RSPH10B2: variants seen among roughly 807,000 people sequenced by gnomAD.
RSPH10B2 encodes the protein radial spoke head 10 homolog B2 (Chlamydomonas).
In RSPH10B2, 9 loss-of-function variants were observed where a neutral mutation model predicts 49.0. That is an observed-to-expected ratio of 0.18 (90% confidence interval 0.11 to 0.32). The LOEUF (loss-of-function observed/expected upper bound fraction) is 0.32, where lower values mean the gene tolerates loss of function less well. Among genes scored for constraint, RSPH10B2 ranks in the 10% least tolerant of loss-of-function variants. The pLI, the probability that RSPH10B2 is intolerant of heterozygous loss-of-function variation, is 1.00. For synonymous variants in RSPH10B2, 35 were observed against 210.2 expected, an observed-to-expected ratio of 0.17 and a Z score of 7.21; for missense variants, 95 against 589.9, an observed-to-expected ratio of 0.16 and a Z score of 8.69.
chr7:6,752,162 G>A (rs1204683298), upstream of RSPH10B2, among the ~76,000 whole-genome samples: 1 of 150,170 alleles, frequency 6.7e-6, no homozygotes, highest in African/African-American at 2.5e-5. Context: ...CTGCCCGGCT[G>A]GAAGAAAATG....
At chr7:6,786,139 A>ATT in intron 14 of RSPH10B2, 83 bp downstream of exon 16, 3 of 321,234 alleles carry the variant, frequency 9.3e-6, no homozygotes, top group Middle Eastern at 9.4e-4. Flanking sequence ...AAGAACCAAG[A>ATT]TTTTTTTTTT....
Position 6,781,368 on chromosome 7 carries a change from G to A in RSPH10B2, c.1650G>A (p.Met550Ile), listed in dbSNP as rs200394640. Residue 550 changes from methionine to isoleucine, a missense_variant, in exon 13 of 19, where the codon ATG becomes ATA. By Grantham distance (10) the Met-to-Ile change is conservative. Transcript: ENST00000297186. Reference sequence around the variant, plus strand: ...AGCAACAGCGGACGCTCTACTCTATGAGTTACATGAATAAGTGCTGGGAGA... The same window carrying A: ...AGCAACAGCGGACGCTCTACTCTATAAGTTACATGAATAAGTGCTGGGAGA... 9.5e-4 allele frequency: 1,193 copies of A among 1,252,380 alleles called. 295 individuals are homozygous for A. Among genetic ancestry groups the A allele is most frequent in the Middle Eastern group, 3.8e-3 (16 of 4,214 alleles). The allele number at this position is 1,252,380 out of a possible 1,614,324, so 77.6% of individuals were successfully genotyped here.
At chr7:6,791,498 C>T (rs1428923456) in intron 16 of RSPH10B2, among the ~76,000 whole-genome samples, 4 of 144,530 alleles carry the variant, frequency 2.8e-5, no homozygotes, top group Non-Finnish European at 6.1e-5. Context: ...AATCCCAGCA[C>T]TTTGGGAGGC....
At chr7:6,764,612 C>A (rs1165448020) in intron 4 of RSPH10B2, among the ~76,000 whole-genome samples, 89 of 151,418 alleles carry the variant, frequency 5.9e-4, no homozygotes, top group South Asian at 2.1e-3. Context: ...CCACCCACCT[C>A]AGCCTCCCAA....
intron 16 of RSPH10B2, among the ~76,000 whole-genome samples, chr7:6,791,483 C>T (rs1782326447): frequency 6.9e-6 from 1 of 145,882 alleles, no homozygotes; most frequent in Non-Finnish European, 1.5e-5. Flanking sequence ...GTGGCTCACA[C>T]CTGTAATCCC....
chr7:6,783,718 G>A (rs550001544), intron 13 of RSPH10B2, among the ~76,000 whole-genome samples: 9 of 151,516 alleles, frequency 5.9e-5, no homozygotes, highest in Admixed American at 1.3e-4. Context: ...AGCAGTCCTC[G>A]TGCCTCGGCC....
chr7:6,797,007 TTCTAGTTTTATTTTTTTTTTTTAGACAG>T (rs923588203), intron 18 of RSPH10B2: 1 of 370,244 alleles, frequency 2.7e-6, no homozygotes, highest in African/African-American at 2.4e-5. Context: ...TGGTCTTAGT[TTCTAGTTTTATTTTTTTTTTTTAGACAG>T]GGTCTCACTG....
chr7:6,758,856 A>G (rs1287364192), intron 1 of RSPH10B2, among the ~76,000 whole-genome samples: 3 of 135,508 alleles, frequency 2.2e-5, no homozygotes, highest in Non-Finnish European at 4.9e-5. Flanking sequence ...CTCAAAAAAA[A>G]TCCCCAAAAA....
upstream of RSPH10B2, among the ~76,000 whole-genome samples, chr7:6,755,795 T>G: frequency 1.1e-5 from 1 of 94,026 alleles, no homozygotes; most frequent in East Asian, 3.1e-4. Context: ...TAGCTGAGTA[T>G]GGAGGCAGGT....
intron 4 of RSPH10B2, among the ~76,000 whole-genome samples, chr7:6,764,709 TG>T (rs1781399673): frequency 8.4e-5 from 1 of 11,936 alleles, no homozygotes; most frequent in Admixed American, 7.5e-4. Context: ...TTGTTGTTGT[TG>T]TGTGTGTGTG....
intron 16 of RSPH10B2, among the ~76,000 whole-genome samples, chr7:6,790,320 G>T (rs1314325302): frequency 1.5e-5 from 2 of 133,486 alleles, no homozygotes; most frequent in African/African-American, 6.3e-5. Context: ...ATCCCGCTGG[G>T]AGGTGATGGT....
At position 6,797,150 on chromosome 7, in the gene RSPH10B2, A is replaced by G. The variant is rs563236400; in HGVS notation, c.2432+384A>G. ...CAGCCTCCCGAGTAGCTGGGATTAC[A>G]AGCATGCACCACCACGCCTGGCTAA... is the stretch of plus-strand genomic sequence containing the variant. On this transcript the variant is annotated intron_variant, in intron 18 of 18. Transcript: ENST00000297186. Among the ~76,000 whole-genome samples, 11 of 143,038 alleles carry G rather than the reference A, an allele frequency of 7.7e-5. No individual in the cohort carries two copies. In the East Asian group the frequency reaches 2.3e-3, roughly 29 times the overall value. 93.8% of individuals were successfully genotyped at this position (143,038 alleles called of 152,430 possible). A position where few individuals can be genotyped will look rare whatever the true frequency, so the allele number is the denominator to read the frequency against.
At chr7:6,783,631 C>T (rs1782024958) in intron 13 of RSPH10B2, among the ~76,000 whole-genome samples, 2 of 146,420 alleles carry the variant, frequency 1.4e-5, no homozygotes, top group Non-Finnish European at 3.0e-5. Context: ...TGCCAACATA[C>T]CCAGCTAATT....
At chr7:6,754,312 G>C (rs1183507909), upstream of RSPH10B2, 2 of 147,256 alleles carry the variant, frequency 1.4e-5, 1 homozygote, top group African/African-American at 5.2e-5. Context: ...AGGCCGGGCA[G>C]ACCAGTGCAG....
At chr7:6,755,688 A>G (rs1781028670), upstream of RSPH10B2, among the ~76,000 whole-genome samples, 1 of 63,240 alleles carries the variant, frequency 1.6e-5, no homozygotes. Flanking sequence ...TTATCCCAGC[A>G]CTTTGGGAGG....
chr7:6,756,116 AAG>A (rs1394864724), upstream of RSPH10B2, among the ~76,000 whole-genome samples: 549 of 148,240 alleles, frequency 3.7e-3, no homozygotes, highest in Non-Finnish European at 5.6e-3. Flanking sequence ...AAAATACAAA[AAG>A]AATTAGCCAG....
upstream of RSPH10B2, among the ~76,000 whole-genome samples, chr7:6,756,010 C>T (rs1474611883): frequency 4.2e-4 from 60 of 143,940 alleles, 1 homozygote; most frequent in African/African-American, 1.5e-3. Context: ...TGACTCACGC[C>T]TGTAATCCCA....
At chr7:6,795,554 C>G (rs952044624) in intron 17 of RSPH10B2, among the ~76,000 whole-genome samples, 2 of 112,980 alleles carry the variant, frequency 1.8e-5, no homozygotes, top group Admixed American at 9.0e-5. Context: ...GGGAGGATTA[C>G]TAGAGCTCAG....
At chr7:6,753,317 TC>T (rs1437109277), upstream of RSPH10B2, 1 of 153,360 alleles carries the variant, frequency 6.5e-6, no homozygotes, top group Admixed American at 9.0e-5. Flanking sequence ...CAGCGAAGCT[TC>T]ATCTGTATTT....
Sources: allele counts gnomAD v4.1 joint callset (sites outside exome capture counted in the v4.1 genomes callset), GRCh38; gene constraint gnomAD v4.1.1; transcripts MANE v1.5; gene names NCBI Gene and HGNC (gene_info 2026-07-23, HGNC 2026-07-21).